NBPF8: variants seen among roughly 807,000 people sequenced by gnomAD.
NBPF8 encodes NBPF member 8.
At chr1:120,433,406 T>G (rs1396164533), upstream of NBPF8, 2 of 152,448 alleles carry the variant, frequency 1.3e-5, no homozygotes, top group Non-Finnish European at 2.9e-5. Context: ...CAGTTATTGA[T>G]TTTTTTTAGT....
In NBPF8 at chr1:120,460,499, T is replaced by C. The variant is rs1661550641; in HGVS notation, n.2785-74T>C. The C allele has an allele frequency of 1.1e-5, 10 of 870,068 alleles. No individual in the cohort carries two copies. In the Admixed American group the frequency reaches 1.2e-4, roughly 10 times the overall value. 53.9% of individuals were successfully genotyped at this position (870,068 alleles called of 1,614,324 possible). ...CAAGACTGATGTCCCTGTGTTAGGA[T>C]TGGACAGAGGAATGTTTCTGTGTGC... is the stretch of plus-strand genomic sequence containing the variant. On this transcript the variant is annotated intron_variant and non_coding_transcript_variant, in intron 17 of 24. Transcript: ENST00000583271.
upstream of NBPF8, chr1:120,432,548 T>G (rs1312795262): frequency 6.6e-6 from 1 of 150,874 alleles, no homozygotes; most frequent in African/African-American, 2.5e-5. Flanking sequence ...TAAGTGAAAG[T>G]ACAAACATAC....
At chr1:120,455,449 A>G (rs1459884601) in exon 16 of NBPF8, 7 of 562,302 alleles carry the variant, frequency 1.2e-5, no homozygotes, top group Non-Finnish European at 2.2e-5. Flanking sequence ...AAAAAGGACC[A>G]GTGTCTCCCA....
At chr1:120,462,525 C>T (rs1172188411) in intron 20 of NBPF8, among the ~76,000 whole-genome samples, 11 of 112,434 alleles carry the variant, frequency 9.8e-5, no homozygotes, top group African/African-American at 3.5e-4. Context: ...CTCAGAGTGT[C>T]CTTTGACCCC....
upstream of NBPF8, chr1:120,433,043 C>T (rs1660929405): frequency 6.6e-6 from 1 of 151,954 alleles, no homozygotes; most frequent in African/African-American, 2.4e-5. Context: ...GGTACAAGGC[C>T]CCTAAAAGCA....
chr1:120,428,399 G>T (rs1348696640), intron 3 of NBPF8, among the ~76,000 whole-genome samples: 1 of 152,150 alleles, frequency 6.6e-6, no homozygotes, highest in African/African-American at 2.4e-5. Flanking sequence ...ACATTTGGAG[G>T]TAATTCAGTA....
chr1:120,465,749 T>C (rs1218466674), intron 24 of NBPF8, among the ~76,000 whole-genome samples: 9 of 150,836 alleles, frequency 6.0e-5, no homozygotes, highest in Non-Finnish European at 5.9e-5. Flanking sequence ...ATTCACTAGG[T>C]CACTTTCTCT....
At chr1:120,452,037 C>T (rs2101678099) in intron 12 of NBPF8, 80 bp from the exon 11 acceptor site, 1 of 1,419,702 alleles carries the variant, frequency 7.0e-7, no homozygotes, top group East Asian at 2.3e-5. Flanking sequence ...AGGACATTGT[C>T]TCAGAAGTCT....
At chr1:120,452,135 T>C in exon 13 of NBPF8, 2 of 1,606,534 alleles carry the variant, frequency 1.2e-6, no homozygotes, top group Non-Finnish European at 1.7e-6. Flanking sequence ...AAGTCCTGGT[T>C]CACACTCAGG....
exon 25 of NBPF8, chr1:120,467,540 T>TATC (rs1661770911): frequency 1.7e-5 from 2 of 115,240 alleles, no homozygotes; most frequent in South Asian, 6.9e-4. Flanking sequence ...CTAAACATTT[T>TATC]ATCATTTATT....
At chr1:120,452,607 C>G (rs1347468178) in intron 13 of NBPF8, among the ~76,000 whole-genome samples, 19 of 147,018 alleles carry the variant, frequency 1.3e-4, no homozygotes, top group African/African-American at 3.6e-4. Context: ...AAGGAGGCTG[C>G]GATGGGAGCA....
exon 25 of NBPF8, chr1:120,466,116 G>A: frequency 6.2e-7 from 1 of 1,611,042 alleles, no homozygotes; most frequent in South Asian, 1.1e-5. Flanking sequence ...ACTCATTTGA[G>A]GAACAGCACA....
At chr1:120,460,752 A>G in intron 18 of NBPF8, 128 bp downstream of exon 16, 1 of 969,902 alleles carries the variant, frequency 1.0e-6, no homozygotes, top group Non-Finnish European at 1.6e-6. Context: ...CGCCTACTAC[A>G]TTGCTTTTTG....
intron 1 of NBPF8, among the ~76,000 whole-genome samples, chr1:120,425,536 A>G (rs1302345678): frequency 9.9e-5 from 15 of 152,144 alleles, no homozygotes; most frequent in African/African-American, 3.6e-4. Flanking sequence ...AATGCCCGAT[A>G]ATGATCAATA....
chr1:120,431,594 C>A (rs1169026622), upstream of NBPF8, among the ~76,000 whole-genome samples: 3 of 151,220 alleles, frequency 2.0e-5, no homozygotes, highest in African/African-American at 7.3e-5. Context: ...CACTACATAT[C>A]CATAAGAATG....
At chr1:120,466,111 T>C in exon 25 of NBPF8, 2 of 1,611,196 alleles carry the variant, frequency 1.2e-6, no homozygotes, top group African/African-American at 1.3e-5. Context: ...GTTTTACTCA[T>C]TTGAGGAACA....
At chr1:120,449,649 C>T (rs1406275370) in intron 11 of NBPF8, among the ~76,000 whole-genome samples, 2 of 152,194 alleles carry the variant, frequency 1.3e-5, no homozygotes, top group African/African-American at 2.4e-5. Context: ...ATTTCTGACA[C>T]AGGCACAGAA....
exon 23 of NBPF8, chr1:120,464,422 G>A (rs1351909101): frequency 2.7e-6 from 2 of 747,940 alleles, no homozygotes; most frequent in East Asian, 2.5e-5. Context: ...AGTCTTGCAG[G>A]ACTCACTGGA....
chr1:120,415,211 G>C (rs1553244904), upstream of NBPF8, among the ~76,000 whole-genome samples: 1 of 152,222 alleles, frequency 6.6e-6, no homozygotes, highest in South Asian at 2.1e-4. Context: ...GCCGAGGCGC[G>C]GCGCACGGAT....
Sources: gnomAD v4.1 joint callset for allele counts (sites outside exome capture counted in the v4.1 genomes callset) on GRCh38, gnomAD v4.1.1 for gene constraint, MANE v1.5 for transcripts, NCBI Gene and HGNC (gene_info 2026-07-23, HGNC 2026-07-21) for gene names.